The following IPO11 variants were observed in gnomAD, a reference collection of about 807,000 sequenced individuals.
IPO11 encodes importin-11.
Under a neutral mutation model 143.2 loss-of-function variants are expected in IPO11, and 66 were observed. The observed-to-expected ratio is 0.46, with a 90% CI of 0.38 to 0.57. The LOEUF (loss-of-function observed/expected upper bound fraction) is 0.57. IPO11 is among the 20% of genes least tolerant of loss of function. IPO11 has a pLI of 0.00. For missense variants in IPO11, 1,026 were observed against 1,141.0 expected, an observed-to-expected ratio of 0.90 and a Z score of 1.45; for synonymous variants, 385 against 377.8, an observed-to-expected ratio of 1.02 and a Z score of -0.22.
At chr5:62,492,873 G>A (rs912232085) in intron 15 of IPO11, among the ~76,000 whole-genome samples, 3 of 151,698 alleles carry the variant, frequency 2.0e-5, no homozygotes, top group Non-Finnish European at 4.4e-5. Context: ...TTTTTCCTGT[G>A]TGCTTGATCA....
intron 1 of IPO11, chr5:62,419,128 G>GT: frequency 6.5e-7 from 1 of 1,548,590 alleles, no homozygotes; most frequent in Non-Finnish European, 8.7e-7. Context: ...TCACAAAATG[G>GT]TAAGTATTTG....
intron 14 of IPO11, 25 bp from the exon 15 acceptor site, chr5:62,490,090 T>A (rs1468766771): frequency 2.7e-6 from 4 of 1,460,744 alleles, no homozygotes; most frequent in Middle Eastern, 1.9e-4. Context: ...AACCTTTAAT[T>A]TTTTTTCTTA....
chr5:62,518,770 G>A (rs1157696788), intron 20 of IPO11, among the ~76,000 whole-genome samples: 1 of 152,056 alleles, frequency 6.6e-6, no homozygotes, highest in Non-Finnish European at 1.5e-5. Context: ...CTTTGAAGAG[G>A]GTGGTCACTG....
At chr5:62,486,789 A>C (rs969992667) in intron 12 of IPO11, among the ~76,000 whole-genome samples, 2 of 152,134 alleles carry the variant, frequency 1.3e-5, no homozygotes, top group Admixed American at 6.5e-5. Context: ...AAATAGAATA[A>C]TATAATGAGC....
At chr5:62,553,535 T>C (rs182824715) in intron 26 of IPO11, among the ~76,000 whole-genome samples, 3 of 152,314 alleles carry the variant, frequency 2.0e-5, no homozygotes, top group East Asian at 3.9e-4. Flanking sequence ...GATCATACGA[T>C]AGTTCAATTT....
rs34767317 is a variant in IPO11 at position 62,417,321 on chromosome 5, A to ATTT, written c.-7+4416_-7+4418dup. ...ATTTTCTTCACCTCCTTATTGGTTA[A>ATTT]TTTTTTTTTTTTTTTTTTTTTTTTT... On this transcript the variant is annotated intron_variant, in intron 1 of 29. Transcript: ENST00000325324. Among the ~76,000 whole-genome samples the ATTT allele has an allele frequency of 8.9e-3, 579 of 65,266 alleles. 36 individuals are homozygous for ATTT. The highest frequency in any genetic ancestry group is 0.03 in the African/African-American group (466 of 15,654). 42.8% of individuals were successfully genotyped at this position (65,266 alleles called of 152,430 possible). A position where few individuals can be genotyped will look rare whatever the true frequency, so the allele number is the denominator to read the frequency against.
intron 15 of IPO11, among the ~76,000 whole-genome samples, chr5:62,490,942 A>G (rs1365646528): frequency 1.3e-5 from 2 of 152,156 alleles, no homozygotes; most frequent in Non-Finnish European, 2.9e-5. Context: ...TACGTTTTAT[A>G]TACATTTAAG....
intron 3 of IPO11, chr5:62,443,404 T>C (rs901462079): frequency 5.6e-5 from 10 of 179,102 alleles, no homozygotes; most frequent in South Asian, 4.6e-4. Context: ...TGTGTGTGTG[T>C]GTGTGTGTGT....
chr5:62,453,128 T>C (rs1030667885), intron 5 of IPO11, among the ~76,000 whole-genome samples: 1 of 150,980 alleles, frequency 6.6e-6, no homozygotes, highest in African/African-American at 2.5e-5. Context: ...GAGGGTGACA[T>C]GGTGTTTTGT....
intron 26 of IPO11, among the ~76,000 whole-genome samples, chr5:62,552,288 C>T (rs536261163): frequency 6.6e-6 from 1 of 151,924 alleles, no homozygotes; most frequent in African/African-American, 2.4e-5. Context: ...TGGCTGAAAA[C>T]AAATATAACT....
At chr5:62,625,127 T>A (rs1440717972) in intron 29 of IPO11, among the ~76,000 whole-genome samples, 1 of 151,884 alleles carries the variant, frequency 6.6e-6, no homozygotes, top group Non-Finnish European at 1.5e-5. Flanking sequence ...ACAAGGAAAA[T>A]GAAAGATTTT....
At chr5:62,606,026 C>G (rs777035758) in intron 29 of IPO11, among the ~76,000 whole-genome samples, 3 of 152,054 alleles carry the variant, frequency 2.0e-5, no homozygotes, top group Non-Finnish European at 4.4e-5. Context: ...CCACTCCACC[C>G]TCCCTATTTT....
chr5:62,427,903 TTAGTC>T (rs1406159263), intron 1 of IPO11, among the ~76,000 whole-genome samples: 1 of 152,222 alleles, frequency 6.6e-6, no homozygotes, highest in East Asian at 1.9e-4. Flanking sequence ...GGAAGCATCT[TTAGTC>T]AATCTGTTTG....
intron 29 of IPO11, among the ~76,000 whole-genome samples, chr5:62,608,930 G>T (rs952332497): frequency 6.6e-6 from 1 of 152,136 alleles, no homozygotes; most frequent in Non-Finnish European, 1.5e-5. Flanking sequence ...TCCCTCCCCT[G>T]AGCCCCTGGT....
chr5:62,546,664 G>A (rs549699356), intron 24 of IPO11, among the ~76,000 whole-genome samples: 1 of 151,978 alleles, frequency 6.6e-6, no homozygotes, highest in Non-Finnish European at 1.5e-5. Flanking sequence ...TTAAACTAAA[G>A]TGCAAAAGTT....
At chr5:62,586,768 AATATATATATATATAT>A (rs56808416) in intron 27 of IPO11, among the ~76,000 whole-genome samples, 3 of 28,918 alleles carry the variant, frequency 1.0e-4, no homozygotes, top group Non-Finnish European at 1.3e-4. Flanking sequence ...AAAAAAAAAA[AATATATATATATATAT>A]ATATATATAT....
intron 19 of IPO11, among the ~76,000 whole-genome samples, chr5:62,507,566 A>G (rs547090079): frequency 6.6e-6 from 1 of 152,286 alleles, no homozygotes; most frequent in Non-Finnish European, 1.5e-5. Flanking sequence ...TTAGGATTTC[A>G]TGAGCATAAA....
intron 27 of IPO11, among the ~76,000 whole-genome samples, chr5:62,563,176 A>C (rs973785893): frequency 1.3e-5 from 2 of 152,224 alleles, no homozygotes; most frequent in Non-Finnish European, 2.9e-5. Context: ...ATTTTAACTC[A>C]TTGGTGTTTC....
intron 1 of IPO11, among the ~76,000 whole-genome samples, chr5:62,422,271 T>A (rs889164895): frequency 6.6e-6 from 1 of 152,062 alleles, no homozygotes; most frequent in South Asian, 2.1e-4. Context: ...GGATTATAGG[T>A]GCCCACCACC....
Sources: gnomAD v4.1 joint callset for allele counts (sites outside exome capture counted in the v4.1 genomes callset) on GRCh38, gnomAD v4.1.1 for gene constraint, MANE v1.5 for transcripts, NCBI Gene and HGNC (gene_info 2026-07-23, HGNC 2026-07-21) for gene names.